TRPS1: variants seen among roughly 807,000 people sequenced by gnomAD.
The protein encoded by TRPS1 is transcriptional repressor GATA binding 1.
A neutral mutation model predicts 101.2 loss-of-function variants in TRPS1; 6 were observed. The ratio of observed to expected loss-of-function variants is 0.06; its 90% CI spans 0.03 to 0.12. The LOEUF (loss-of-function observed/expected upper bound fraction) is 0.12. Ranked by LOEUF, TRPS1 falls within the 10% of genes least tolerant of loss-of-function variation. TRPS1 has a pLI of 1.00. For missense variants in TRPS1, 1,363 were observed against 1,567.0 expected (o/e 0.87, Z 2.20); for synonymous variants, 578 against 589.8 (o/e 0.98, Z 0.29).
chr8:115,497,228 CTG>C (rs1456462797), intron 5 of TRPS1, among the ~76,000 whole-genome samples: 5 of 152,170 alleles, frequency 3.3e-5, no homozygotes, highest in Non-Finnish European at 7.3e-5. Context: ...GGGGATGAAA[CTG>C]TTCCTCCTCA....
At chr8:115,519,516 G>C (rs1163786057) in intron 5 of TRPS1, among the ~76,000 whole-genome samples, 1 of 151,220 alleles carries the variant, frequency 6.6e-6, no homozygotes, top group Non-Finnish European at 1.5e-5. Context: ...ATGATCATTG[G>C]ATTAAAAAAA....
chr8:115,444,823 C>T (rs1813692759), intron 5 of TRPS1, among the ~76,000 whole-genome samples: 1 of 152,162 alleles, frequency 6.6e-6, no homozygotes, highest in Non-Finnish European at 1.5e-5. Flanking sequence ...CCACCATATC[C>T]AATTAGTCAC....
intron 1 of TRPS1, among the ~76,000 whole-genome samples, chr8:115,633,308 A>G (rs1166303111): frequency 1.3e-5 from 2 of 152,112 alleles, no homozygotes; most frequent in Non-Finnish European, 2.9e-5. Context: ...ACACCCTAAC[A>G]GGGGTGAAGA....
intron 4 of TRPS1, among the ~76,000 whole-genome samples, chr8:115,593,640 A>T (rs1404244075): frequency 6.6e-6 from 1 of 152,162 alleles, no homozygotes; most frequent in African/African-American, 2.4e-5. Flanking sequence ...TCAAGAATAA[A>T]AGTTTAGTCA....
chr8:115,624,109 T>C (rs1018882268), intron 1 of TRPS1, among the ~76,000 whole-genome samples: 3 of 151,224 alleles, frequency 2.0e-5, no homozygotes, highest in Non-Finnish European at 4.4e-5. Context: ...CAAATGCTTT[T>C]ATAGGGAAAA....
intron 5 of TRPS1, among the ~76,000 whole-genome samples, chr8:115,550,264 G>C (rs1015749102): frequency 6.6e-6 from 1 of 152,240 alleles, no homozygotes; most frequent in South Asian, 2.1e-4. Context: ...GCTTTTAAAG[G>C]AAAGTAATTA....
chr8:115,551,855 C>T (rs912972593), intron 5 of TRPS1, among the ~76,000 whole-genome samples: 1 of 152,022 alleles, frequency 6.6e-6, no homozygotes, highest in African/African-American at 2.4e-5. Context: ...TTAGTGTATC[C>T]CCTTTATCGC....
At chr8:115,437,379 G>T (rs1260700915) in intron 5 of TRPS1, among the ~76,000 whole-genome samples, 2 of 152,198 alleles carry the variant, frequency 1.3e-5, no homozygotes, top group Admixed American at 1.3e-4. Context: ...TATGCTGGAA[G>T]GTTCACAATA....
intron 5 of TRPS1, among the ~76,000 whole-genome samples, chr8:115,429,172 T>C (rs914102189): frequency 6.6e-6 from 1 of 152,192 alleles, no homozygotes; most frequent in Non-Finnish European, 1.5e-5. Context: ...AGGAAAGTCC[T>C]ATAATAGGCT....
At chr8:115,496,269 A>C (rs903960928) in intron 5 of TRPS1, among the ~76,000 whole-genome samples, 1 of 152,222 alleles carries the variant, frequency 6.6e-6, no homozygotes. Context: ...ATTTGAACCC[A>C]TCTCTTTGGT....
intron 1 of TRPS1, among the ~76,000 whole-genome samples, chr8:115,640,986 T>G (rs889731733): frequency 3.3e-5 from 5 of 152,138 alleles, no homozygotes; most frequent in African/African-American, 1.2e-4. Flanking sequence ...ACTACCTAAC[T>G]TGGGGGTGGG....
At chr8:115,536,522 C>CA (rs752895683) in intron 5 of TRPS1, among the ~76,000 whole-genome samples, 1,115 of 102,790 alleles carry the variant, frequency 0.011, 33 homozygotes, top group South Asian at 0.017. Flanking sequence ...GACTCCGTCT[C>CA]AAAAAAAAAA....
At chr8:115,591,315 A>T (rs1817675122) in intron 4 of TRPS1, among the ~76,000 whole-genome samples, 1 of 152,138 alleles carries the variant, frequency 6.6e-6, no homozygotes, top group Non-Finnish European at 1.5e-5. Flanking sequence ...ATGTTACTTC[A>T]ATGTCTACTG....
At chr8:115,608,333 A>G (rs887993694) in intron 3 of TRPS1, among the ~76,000 whole-genome samples, 1 of 152,224 alleles carries the variant, frequency 6.6e-6, no homozygotes, top group African/African-American at 2.4e-5. Flanking sequence ...ACACGTATTT[A>G]TCCCTCTAAT....
intron 5 of TRPS1, among the ~76,000 whole-genome samples, chr8:115,525,276 C>A (rs1366392034): frequency 6.6e-6 from 1 of 152,030 alleles, no homozygotes; most frequent in African/African-American, 2.4e-5. Flanking sequence ...GCCACTAATT[C>A]AATGCCCTAC....
intron 5 of TRPS1, among the ~76,000 whole-genome samples, chr8:115,482,355 T>C (rs1367422195): frequency 1.3e-5 from 2 of 152,202 alleles, no homozygotes; most frequent in African/African-American, 2.4e-5. Context: ...ACTAAACATA[T>C]AGGTCAATTT....
At chr8:115,662,942 A>G (rs887378912) in intron 1 of TRPS1, among the ~76,000 whole-genome samples, 1 of 152,124 alleles carries the variant, frequency 6.6e-6, no homozygotes, top group Non-Finnish European at 1.5e-5. Flanking sequence ...TTCGTTATAT[A>G]AACATATTCT....
intron 5 of TRPS1, among the ~76,000 whole-genome samples, chr8:115,560,238 G>A (rs1036998410): frequency 3.9e-5 from 6 of 152,018 alleles, no homozygotes; most frequent in Non-Finnish European, 8.8e-5. Context: ...TATAAAACAG[G>A]TCAGGAAACT....
Position 115,413,840 on chromosome 8 carries a change from T to C in TRPS1, c.*183A>G. 1 of 627,126 alleles carries C rather than the reference T, an allele frequency of 1.6e-6. No individual in the cohort carries two copies. The highest frequency in any genetic ancestry group is 2.7e-6 in the Non-Finnish European group (1 of 368,244). 38.8% of individuals were successfully genotyped at this position (627,126 alleles called of 1,614,324 possible). A position where few individuals can be genotyped will look rare whatever the true frequency, so the allele number is the denominator to read the frequency against. On this transcript the variant is annotated 3_prime_UTR_variant, in exon 7 of 7. Transcript: ENST00000395715. ...TCCATTCTTTCTCATTGACCATTTA[T>C]CTCACTTTTTAATCTTGGTAACCTA...
Sources: allele counts gnomAD v4.1 joint callset (sites outside exome capture counted in the v4.1 genomes callset), GRCh38; gene constraint gnomAD v4.1.1; transcripts MANE v1.5; gene names NCBI Gene and HGNC (gene_info 2026-07-23, HGNC 2026-07-21).